The following SLC16A5 variants were observed in gnomAD, a reference collection of about 807,000 sequenced individuals.
SLC16A5 encodes solute carrier family 16 member 5.
In SLC16A5, 29 loss-of-function variants were observed where a neutral mutation model predicts 33.2. The ratio of observed to expected loss-of-function variants is 0.87; its 90% CI spans 0.65 to 1.19. The LOEUF is 1.19. SLC16A5 is among the 50% of genes most tolerant of loss of function. The pLI is 0.00. For missense variants in SLC16A5, 606 were observed against 678.2 expected (o/e 0.89, Z 1.18); for synonymous variants, 248 against 284.1 (o/e 0.87, Z 1.28).
In SLC16A5 at chr17:75,100,346, C is replaced by T; in HGVS notation, c.683C>T (p.Ala228Val). The T allele has an allele frequency of 6.2e-7, 1 of 1,614,234 alleles. No homozygotes were observed. The highest frequency in any genetic ancestry group is 8.5e-7 in the Non-Finnish European group (1 of 1,180,044). Residue 228 changes from alanine (A) to valine (V), a missense_variant, in exon 5 of 7, where the codon GCC (alanine) becomes GTC (valine). Ala to Val is a moderately conservative substitution (Grantham distance 64). Transcript: ENST00000329783. ...ACGRTIQRHL[A>V]FDILRHNTGY... ...GGCCGGACCATCCAGCGCCACCTGG[C>T]CTTCGACATCCTGCGGCACAACACA...
chr17:75,098,241 T>A, intron 4 of SLC16A5, 60 bp downstream of exon 4: 1 of 1,603,312 alleles, frequency 6.2e-7, no homozygotes, highest in Non-Finnish European at 8.5e-7. Context: ...CAGGCACAAG[T>A]GGACAGGGCA....
chr17:75,090,120 T>C (rs2073618396), intron 2 of SLC16A5: 1 of 151,520 alleles, frequency 6.6e-6, no homozygotes, highest in Admixed American at 6.6e-5. Flanking sequence ...AGCCTAGTTT[T>C]TTATTTGTAG....
Position 75,105,980 on chromosome 17 carries a change from A to G in SLC16A5, c.1465A>G (p.Lys489Glu), listed in dbSNP as rs768253030. The change falls in exon 7 of 7, where the codon AAG (lysine) becomes GAG (glutamate). Residue 489 changes from lysine to glutamate, a missense_variant. Physicochemically the swap from Lys to Glu is moderately conservative, Grantham distance 56. Coordinates refer to ENST00000329783, the MANE Select transcript of SLC16A5 (RefSeq NM_004695.4). ...CAGCCATGAGTGGCTCTTATGGCCA[A>G]AGGCGGTACTGCAGGCCAAGCAAAC... Reference protein sequence around the residue: ...RTSHEWLLWPKAVLQAKQTAL... With the variant: ...RTSHEWLLWPEAVLQAKQTAL... 10 of 1,610,020 alleles carry G rather than the reference A, an allele frequency of 6.2e-6. No homozygotes were observed. The highest frequency in any genetic ancestry group is 8.5e-6 in the Non-Finnish European group (10 of 1,177,504).
intron 2 of SLC16A5, 100 bp from the exon 3 acceptor site, chr17:75,093,489 A>G (rs775215748): frequency 1.1e-5 from 17 of 1,536,342 alleles, no homozygotes; most frequent in Admixed American, 2.0e-5. Context: ...GTACTTGGGT[A>G]TGAGGAAGGG....
At chr17:75,092,739 T>G (rs1316093647) in intron 2 of SLC16A5, among the ~76,000 whole-genome samples, 1 of 151,988 alleles carries the variant, frequency 6.6e-6, no homozygotes, top group Admixed American at 6.6e-5. Context: ...TGTGTCTGTA[T>G]GTTTCTGTGC....
At chr17:75,095,305 C>T (rs2073702482) in intron 3 of SLC16A5, among the ~76,000 whole-genome samples, 1 of 152,138 alleles carries the variant, frequency 6.6e-6, no homozygotes, top group South Asian at 2.1e-4. Context: ...GGTTCCTGGG[C>T]CAGGGGCTAG....
chr17:75,088,578 G>A (rs1301953377), intron 1 of SLC16A5, among the ~76,000 whole-genome samples: 2 of 152,146 alleles, frequency 1.3e-5, no homozygotes, highest in Non-Finnish European at 2.9e-5. Context: ...GCCTGCCCTT[G>A]CTGCTCTCTG....
At chr17:75,088,442 T>A (rs886687459) in intron 1 of SLC16A5, among the ~76,000 whole-genome samples, 5 of 152,144 alleles carry the variant, frequency 3.3e-5, no homozygotes, top group African/African-American at 1.2e-4. Context: ...TTGCTGGTTT[T>A]GCAGTGAATA....
chr17:75,108,800 G>A (rs1161911459), downstream of SLC16A5, among the ~76,000 whole-genome samples: 2 of 152,150 alleles, frequency 1.3e-5, no homozygotes, highest in Non-Finnish European at 2.9e-5. Context: ...AGCGGTTGCT[G>A]GGCAGATGGC....
Position 75,106,081 on chromosome 17 carries a change from T to C in SLC16A5, c.*48T>C. ...TATCTGCCATGTGAGTTGGGCAAAT[T>C]GTTGACCACCTCTGAGCCTTGAAAA... On this transcript the variant is annotated 3_prime_UTR_variant, in exon 7 of 7. Coordinates refer to ENST00000329783, the MANE Select transcript of SLC16A5 (RefSeq NM_004695.4). 1 of 957,400 alleles carries C rather than the reference T, an allele frequency of 1.0e-6. No individual in the cohort carries two copies. Among genetic ancestry groups the C allele is most frequent in the African/African-American group, 1.6e-5 (1 of 61,344 alleles). The allele number at this position is 957,400 out of a possible 1,614,324, so 59.3% of individuals were successfully genotyped here.
At position 75,092,028 on chromosome 17, in the gene SLC16A5, G is replaced by GTGTGTGTGT. The variant is rs1555644931; in HGVS notation, c.-48-1561_-48-1560insTGTGTGTGT. 4.2e-3 allele frequency among the ~76,000 whole-genome samples: 630 copies of GTGTGTGTGT among 149,696 alleles called. 1 individual carries two copies. Among genetic ancestry groups the GTGTGTGTGT allele is most frequent in the African/African-American group, 0.011 (457 of 40,450 alleles). ...CTTGCTAAGCCAAAGATGTGAGGGG[G>GTGTGTGTGT]GTGTGTGTGTGTGTGTGTGTGTGCA... On this transcript the variant is annotated intron_variant, in intron 2 of 6. Coordinates refer to ENST00000329783, the MANE Select transcript of SLC16A5 (RefSeq NM_004695.4).
At chr17:75,097,893 G>T in intron 3 of SLC16A5, 145 bp from the exon 4 acceptor site, 1 of 893,942 alleles carries the variant, frequency 1.1e-6, no homozygotes, top group Admixed American at 3.1e-5. Context: ...GCCAGTCCAT[G>T]GCAGGTGGGT....
chr17:75,098,128 G>A lies in SLC16A5; in HGVS notation c.290G>A (p.Ser97Asn), dbSNP rs2145038622. Reference protein sequence around the residue: ...GVLASLGMVASSFSHNLSQLY... With the variant: ...GVLASLGMVANSFSHNLSQLY... ...CTGGCCAGCCTGGGCATGGTGGCCA[G>A]CTCCTTCTCTCACAACCTCAGCCAG... is the stretch of plus-strand genomic sequence containing the variant. Residue 97 changes from serine (S) to asparagine (N), a missense_variant, in exon 4 of 7, where the codon AGC becomes AAC. Physicochemically the swap from Ser to Asn is conservative, Grantham distance 46. Transcript: ENST00000329783. 2 of 1,612,454 alleles carry A rather than the reference G, an allele frequency of 1.2e-6. No individual in the cohort carries two copies. The highest frequency in any genetic ancestry group is 4.5e-5 in the East Asian group (2 of 44,642).
chr17:75,093,585 C>A lies in SLC16A5; in HGVS notation c.-48-4C>A. On this transcript the variant is annotated splice_region_variant and splice_polypyrimidine_tract_variant and intron_variant, in intron 2 of 6. Transcript: ENST00000329783. ...CACCAGGCTCCATTCTGTCCCCTCC[C>A]CAGGCAGCAGCCACATTGGCAGTGA... 3 of 1,574,396 alleles carry A rather than the reference C, an allele frequency of 1.9e-6. No individual in the cohort carries two copies. The highest frequency in any genetic ancestry group is 2.6e-6 in the Non-Finnish European group (3 of 1,165,428).
At chr17:75,104,407 G>A in intron 6 of SLC16A5, 1 of 1,225,134 alleles carries the variant, frequency 8.2e-7, no homozygotes, top group South Asian at 1.9e-5. Context: ...AAGATGCCCT[G>A]AGAAACTCTT....
chr17:75,095,358 C>T (rs1004336175), intron 3 of SLC16A5, among the ~76,000 whole-genome samples: 10 of 152,174 alleles, frequency 6.6e-5, no homozygotes, highest in East Asian at 1.9e-4. Context: ...AGCTGACTTG[C>T]GGCTCACCAC....
chr17:75,104,810 T>C (rs1197093106), intron 6 of SLC16A5: 1 of 985,272 alleles, frequency 1.0e-6, no homozygotes, highest in Admixed American at 6.2e-5. Context: ...ACTTTTTTCC[T>C]TGGGTACCAG....
chr17:75,091,757 G>A (rs746340018), intron 2 of SLC16A5, among the ~76,000 whole-genome samples: 7 of 152,256 alleles, frequency 4.6e-5, no homozygotes, highest in African/African-American at 9.6e-5. Flanking sequence ...CAGCAGCTCC[G>A]GGATGCGTGG....
rs965301213 is a variant in SLC16A5 at position 75,100,273 on chromosome 17, C to T, written c.610C>T (p.Pro204Ser). ...TGTGGCCCCTGAGACCAAAGAATGT[C>T]CCCCGCCACCTCCCGAGACACCTGC... ...TSVAPETKEC[P>S]PPPPETPALG... Residue 204 changes from proline (P) to serine (S), a missense_variant, in exon 5 of 7, where the codon CCC becomes TCC. Physicochemically the swap from Pro to Ser is moderately conservative, Grantham distance 74 (BLOSUM62 -1). Transcript: ENST00000329783. 6.2e-7 allele frequency: 1 copy of T among 1,614,202 alleles called. No individual in the cohort carries two copies.
Sources: gnomAD v4.1 joint callset for allele counts (sites outside exome capture counted in the v4.1 genomes callset) on GRCh38, gnomAD v4.1.1 for gene constraint, MANE v1.5 for transcripts, NCBI Gene and HGNC (gene_info 2026-07-23, HGNC 2026-07-21) for gene names.